FAM178B: variants seen among roughly 807,000 people sequenced by gnomAD.
The protein encoded by FAM178B is protein FAM178B.
A neutral mutation model predicts 91.7 loss-of-function variants in FAM178B; 82 were observed. The observed-to-expected ratio is 0.89, with a 90% CI of 0.75 to 1.07. The LOEUF (loss-of-function observed/expected upper bound fraction) is 1.07, where lower values mean the gene tolerates loss of function less well. Among genes scored for constraint, FAM178B ranks in the 50% least tolerant of loss-of-function variants. FAM178B has a pLI of 0.00. For synonymous variants in FAM178B, 368 were observed against 359.4 expected (o/e 1.02, Z -0.27); for missense variants, 769 against 846.7 (o/e 0.91, Z 1.14).
chr2:96,942,446 G>GTCGCC (rs2081749212), intron 8 of FAM178B, among the ~76,000 whole-genome samples: 3 of 152,204 alleles, frequency 2.0e-5, no homozygotes, highest in Admixed American at 2.0e-4. Flanking sequence ...AGGCTGGAGT[G>GTCGCC]CAGTGGTGCG....
At chr2:96,912,170 A>G (rs887635715) in intron 12 of FAM178B, among the ~76,000 whole-genome samples, 8 of 152,138 alleles carry the variant, frequency 5.3e-5, no homozygotes, top group African/African-American at 1.7e-4. Context: ...TGACCCCACA[A>G]GGACTCCGGA....
rs150111841 is a variant in FAM178B at position 96,917,832 on chromosome 2, G to C, written c.1562+3333C>G. Among the ~76,000 whole-genome samples, 862 of 152,218 alleles carry C rather than the reference G, an allele frequency of 5.7e-3. 11 individuals are homozygous for C. The highest frequency in any genetic ancestry group is 0.02 in the African/African-American group (825 of 41,514). On this transcript the variant is annotated intron_variant, in intron 12 of 16. Coordinates refer to ENST00000490605, the MANE Select transcript of FAM178B (RefSeq NM_001122646.3). ...GATGGTACCACTGCACTCCAGCCTG[G>C]GTGACAGAGTGAGACCCTCTCTCAA...
At chr2:96,971,706 G>A (rs1315954423) in intron 3 of FAM178B, among the ~76,000 whole-genome samples, 195 bp downstream of exon 3, 2 of 152,250 alleles carry the variant, frequency 1.3e-5, no homozygotes, top group Non-Finnish European at 2.9e-5. Context: ...GACACAGGGC[G>A]AGGTGCATCC....
chr2:96,951,136 C>A (rs1366933940), intron 7 of FAM178B, among the ~76,000 whole-genome samples: 3 of 152,144 alleles, frequency 2.0e-5, no homozygotes, highest in African/African-American at 7.2e-5. Flanking sequence ...GAAGCAGAGG[C>A]TCCCAGCGCT....
chr2:96,899,639 C>T (rs2080888775), intron 13 of FAM178B, among the ~76,000 whole-genome samples: 1 of 152,052 alleles, frequency 6.6e-6, no homozygotes, highest in African/African-American at 2.4e-5. Flanking sequence ...TCATGGCTCA[C>T]TGCAGCCTTG....
chr2:96,893,279 C>T (rs1214269727), intron 14 of FAM178B, among the ~76,000 whole-genome samples: 2 of 152,162 alleles, frequency 1.3e-5, no homozygotes, highest in Non-Finnish European at 2.9e-5. Flanking sequence ...GCAGCCCTCA[C>T]ACCCACCACA....
chr2:96,910,854 T>C (rs2081142353), intron 12 of FAM178B, among the ~76,000 whole-genome samples: 1 of 150,766 alleles, frequency 6.6e-6, no homozygotes, highest in South Asian at 2.1e-4. Flanking sequence ...TGGAGTGCAG[T>C]GGCGTGATCT....
chr2:96,884,683 A>T (rs889187755), intron 14 of FAM178B, among the ~76,000 whole-genome samples: 1 of 152,246 alleles, frequency 6.6e-6, no homozygotes, highest in South Asian at 2.1e-4. Context: ...ACTGGCCACC[A>T]GGACGAGGCT....
In FAM178B at chr2:96,942,680, C is replaced by A. The variant is rs144868832; in HGVS notation, c.1078+5138G>T. Among the ~76,000 whole-genome samples the A allele has an allele frequency of 1.4e-4, 21 of 152,304 alleles. No homozygotes were observed. In the East Asian group the frequency reaches 4.0e-3, roughly 29 times the overall value. ...AAAGTGCTGGGATTACAGGCATGAG[C>A]CACTGAGCCTGGCCAACAAATTTTT... On this transcript the variant is annotated intron_variant, in intron 8 of 16. Transcript: ENST00000490605.
chr2:96,878,177 G>T, intron 15 of FAM178B, 135 bp from the exon 16 acceptor site: 2 of 1,015,016 alleles, frequency 2.0e-6, no homozygotes, highest in Non-Finnish European at 2.9e-6. Context: ...GGAGGAAAAG[G>T]AGGATGGGGC....
In FAM178B at chr2:96,878,420, T is replaced by C; in HGVS notation, c.1850A>G (p.Gln617Arg). Reference sequence around the variant, plus strand: ...CCTGCCCCTTGGGAGACTCACCCACTGGTCTGGAGTGATGTCCTGGCAGCT... The same window carrying C: ...CCTGCCCCTTGGGAGACTCACCCACCGGTCTGGAGTGATGTCCTGGCAGCT... The part of the protein sequence containing the change: ...VVSCQDITPD[Q>R]WGELQLLCMQ... Residue 617 changes from glutamine to arginine, a missense_variant, in exon 15 of 17, where the codon CAG (glutamine) becomes CGG (arginine). Coordinates refer to ENST00000490605, the MANE Select transcript of FAM178B (RefSeq NM_001122646.3). 4.3e-6 allele frequency: 7 copies of C among 1,613,852 alleles called. No individual in the cohort carries two copies. Among genetic ancestry groups the C allele is most frequent in the Non-Finnish European group, 5.1e-6 (6 of 1,179,934 alleles).
intron 11 of FAM178B, 22 bp from the exon 12 acceptor site, chr2:96,921,284 T>C: frequency 1.3e-6 from 2 of 1,549,462 alleles, no homozygotes; most frequent in Non-Finnish European, 1.7e-6. Flanking sequence ...CGGCACCCCA[T>C]GGGCTACAGG....
At chr2:96,914,162 G>T (rs2081204160) in intron 12 of FAM178B, among the ~76,000 whole-genome samples, 1 of 152,230 alleles carries the variant, frequency 6.6e-6, no homozygotes, top group Non-Finnish European at 1.5e-5. Context: ...TCATGGGGAG[G>T]GCTGGTCATA....
chr2:96,965,538 C>A (rs1260172615), intron 5 of FAM178B, among the ~76,000 whole-genome samples: 4 of 151,934 alleles, frequency 2.6e-5, no homozygotes. Flanking sequence ...TCACAGCTCA[C>A]TGCAGCCTCA....
At chr2:96,936,009 T>C (rs2081619563) in intron 8 of FAM178B, among the ~76,000 whole-genome samples, 1 of 152,000 alleles carries the variant, frequency 6.6e-6, no homozygotes, top group African/African-American at 2.4e-5. Flanking sequence ...AATGTATTGA[T>C]ATTGTAACAA....
intron 6 of FAM178B, among the ~76,000 whole-genome samples, chr2:96,953,245 C>T (rs1336607200): frequency 6.6e-6 from 1 of 152,220 alleles, no homozygotes; most frequent in Non-Finnish European, 1.5e-5. Context: ...CTTTCAGGGA[C>T]TGACCCCAGC....
rs568630516 is a variant in FAM178B at position 96,930,033 on chromosome 2, C to T, written c.1079-713G>A. On this transcript the variant is annotated intron_variant, in intron 8 of 16. Transcript: ENST00000490605. ...AAGTTCGAGACTAGCCTGGGCAACA[C>T]GGTGAAACCTCATCTCTACTAAAAT... Among the ~76,000 whole-genome samples the T allele has an allele frequency of 3.4e-3, 524 of 152,050 alleles. 2 individuals carry two copies. In the Middle Eastern group the frequency reaches 0.044, roughly 13 times the overall value.
intron 4 of FAM178B, among the ~76,000 whole-genome samples, chr2:96,970,332 G>A (rs540053122): frequency 6.6e-6 from 1 of 152,294 alleles, no homozygotes; most frequent in African/African-American, 2.4e-5. Context: ...ATGTTAGGAA[G>A]TCCCGTCTGC....
At chr2:96,894,933 T>C (rs1574206212) in intron 13 of FAM178B, 1 of 344,480 alleles carries the variant, frequency 2.9e-6, no homozygotes, top group Non-Finnish European at 5.2e-6. Flanking sequence ...CCCCACCCCC[T>C]GCACTGCCGC....
Sources: gnomAD v4.1 joint callset for allele counts (sites outside exome capture counted in the v4.1 genomes callset) on GRCh38, gnomAD v4.1.1 for gene constraint, MANE v1.5 for transcripts, NCBI Gene and HGNC (gene_info 2026-07-23, HGNC 2026-07-21) for gene names.